The following PRKCA variants were observed in gnomAD, a reference collection of about 807,000 sequenced individuals.
PRKCA encodes protein kinase C alpha type.
PRKCA carries 27 observed loss-of-function variants against 87.0 expected under a neutral mutation model. The ratio of observed to expected loss-of-function variants is 0.31; its 90% CI spans 0.23 to 0.43. The LOEUF is 0.43. Ranked by LOEUF, PRKCA falls within the 20% of genes least tolerant of loss-of-function variation. PRKCA has a pLI of 1.00. For synonymous variants in PRKCA, 329 were observed against 311.1 expected, an observed-to-expected ratio of 1.06 and a Z score of -0.61; for missense variants, 518 against 852.3, an observed-to-expected ratio of 0.61 and a Z score of 4.88.
chr17:66,311,986 A>G (rs1293623364), intron 2 of PRKCA, among the ~76,000 whole-genome samples: 1 of 151,826 alleles, frequency 6.6e-6, no homozygotes, highest in East Asian at 1.9e-4. Flanking sequence ...TCTTTATATT[A>G]TTTTATTTTT....
chr17:66,732,130 A>ATT (rs1491249945), intron 8 of PRKCA, among the ~76,000 whole-genome samples: 19 of 73,048 alleles, frequency 2.6e-4, no homozygotes, highest in African/African-American at 8.4e-4. Context: ...AAAAAAAATC[A>ATT]AAAAAAAAAA....
intron 2 of PRKCA, among the ~76,000 whole-genome samples, chr17:66,464,000 T>C (rs1488217666): frequency 6.6e-6 from 1 of 152,230 alleles, no homozygotes; most frequent in African/African-American, 2.4e-5. Flanking sequence ...ATATTTTCAC[T>C]GCCCTAAAGA....
intron 2 of PRKCA, among the ~76,000 whole-genome samples, chr17:66,368,295 T>C (rs188000280): frequency 6.7e-4 from 97 of 145,660 alleles, no homozygotes; most frequent in East Asian, 4.7e-3. Flanking sequence ...TATACACACA[T>C]ATATGTGTGT....
chr17:66,747,750 T>A (rs1974327844), intron 13 of PRKCA, among the ~76,000 whole-genome samples: 1 of 152,230 alleles, frequency 6.6e-6, no homozygotes, highest in Non-Finnish European at 1.5e-5. Context: ...TGAGTCATGA[T>A]CAGAGATGCA....
chr17:66,602,570 T>C (rs1970079863), intron 3 of PRKCA, among the ~76,000 whole-genome samples: 1 of 152,228 alleles, frequency 6.6e-6, no homozygotes, highest in Admixed American at 6.5e-5. Flanking sequence ...GAGCTGTTCC[T>C]ATTCGGCCAT....
intron 3 of PRKCA, among the ~76,000 whole-genome samples, chr17:66,514,861 T>C (rs1966914916): frequency 1.3e-5 from 2 of 152,272 alleles, no homozygotes; most frequent in East Asian, 3.9e-4. Context: ...GCCACTCCGA[T>C]TTGGAAAATG....
At chr17:66,620,515 A>G (rs569162337) in intron 3 of PRKCA, among the ~76,000 whole-genome samples, 1 of 152,338 alleles carries the variant, frequency 6.6e-6, no homozygotes, top group South Asian at 2.1e-4. Context: ...CGATAGCTGC[A>G]GGAGAATCGG....
intron 3 of PRKCA, among the ~76,000 whole-genome samples, chr17:66,627,452 G>A (rs1020256213): frequency 3.3e-5 from 5 of 152,170 alleles, no homozygotes; most frequent in Admixed American, 6.5e-5. Context: ...GAGGGAGAGA[G>A]GGAGGAAGGA....
At chr17:66,442,419 C>T (rs1913819437) in intron 2 of PRKCA, among the ~76,000 whole-genome samples, 1 of 152,000 alleles carries the variant, frequency 6.6e-6, no homozygotes, top group East Asian at 1.9e-4. Context: ...CATTCCTGGC[C>T]CCCTCCCTCC....
intron 16 of PRKCA, among the ~76,000 whole-genome samples, chr17:66,795,953 A>G (rs573123241): frequency 6.6e-6 from 1 of 152,342 alleles, no homozygotes; most frequent in African/African-American, 2.4e-5. Context: ...CAAACTCATC[A>G]ACGGAATCAG....
chr17:66,609,984 T>G (rs897157851), intron 3 of PRKCA, among the ~76,000 whole-genome samples: 6 of 152,050 alleles, frequency 3.9e-5, no homozygotes, highest in Non-Finnish European at 7.4e-5. Flanking sequence ...TCAGTGTAAT[T>G]CTGAGATTAT....
intron 3 of PRKCA, among the ~76,000 whole-genome samples, chr17:66,544,003 GGAGTTC>G (rs1816383455): frequency 6.6e-6 from 1 of 152,188 alleles, no homozygotes; most frequent in South Asian, 2.1e-4. Context: ...CTTGAGGTCA[GGAGTTC>G]GAGACCAGCC....
At chr17:66,562,252 T>TA (rs60364973) in intron 3 of PRKCA, among the ~76,000 whole-genome samples, 3 of 105,638 alleles carry the variant, frequency 2.8e-5, no homozygotes, top group Non-Finnish European at 4.0e-5. Context: ...CTCACCACAA[T>TA]AAAAAAAAAA....
At chr17:66,616,179 C>T (rs957730888) in intron 3 of PRKCA, among the ~76,000 whole-genome samples, 2 of 152,142 alleles carry the variant, frequency 1.3e-5, no homozygotes, top group Non-Finnish European at 2.9e-5. Context: ...TACATGAATG[C>T]CAGTTCTAGG....
At chr17:66,535,103 C>A (rs1214246392) in intron 3 of PRKCA, among the ~76,000 whole-genome samples, 2 of 152,162 alleles carry the variant, frequency 1.3e-5, no homozygotes, top group Non-Finnish European at 2.9e-5. Context: ...TGCGCTGTTA[C>A]CATTTTGCTT....
chr17:66,620,375 G>C (rs530257784), intron 3 of PRKCA, among the ~76,000 whole-genome samples: 1 of 152,094 alleles, frequency 6.6e-6, no homozygotes, highest in South Asian at 2.1e-4. Context: ...TCCACCTCTG[G>C]GTAGGCAGAA....
intron 13 of PRKCA, among the ~76,000 whole-genome samples, chr17:66,773,477 A>T (rs1741808892): frequency 6.7e-6 from 1 of 150,304 alleles, no homozygotes; most frequent in South Asian, 2.1e-4. Flanking sequence ...TCAAACTCTG[A>T]ATGACCTCTG....
In PRKCA at chr17:66,671,887, G is replaced by A. The variant is rs187272376; in HGVS notation, c.530-15224G>A. Among the ~76,000 whole-genome samples, 6 of 152,282 alleles carry A rather than the reference G, an allele frequency of 3.9e-5. No homozygotes were observed. In the East Asian group the frequency reaches 1.2e-3, roughly 29 times the overall value. On this transcript the variant is annotated intron_variant, in intron 5 of 16. Coordinates refer to ENST00000413366, the MANE Select transcript of PRKCA (RefSeq NM_002737.3). Reference sequence around the variant, plus strand: ...ACAGAGCGAACATTAACAAACAGAAGCCACACAGACCAATGGGAAAGATAG... The same window carrying A: ...ACAGAGCGAACATTAACAAACAGAAACCACACAGACCAATGGGAAAGATAG...
intron 3 of PRKCA, among the ~76,000 whole-genome samples, chr17:66,537,047 C>T (rs1205031334): frequency 6.6e-6 from 1 of 152,168 alleles, no homozygotes; most frequent in Non-Finnish European, 1.5e-5. Context: ...GGCTCTAGTT[C>T]TTCCTTGTGA....
Sources: gnomAD v4.1 joint callset for allele counts (sites outside exome capture counted in the v4.1 genomes callset) on GRCh38, gnomAD v4.1.1 for gene constraint, MANE v1.5 for transcripts, NCBI Gene and HGNC (gene_info 2026-07-23, HGNC 2026-07-21) for gene names.